SCAI: variants seen among roughly 807,000 people sequenced by gnomAD.
The protein encoded by SCAI is protein SCAI.
In SCAI, 24 loss-of-function variants were observed where a neutral mutation model predicts 92.2. The ratio of observed to expected loss-of-function variants is 0.26; its 90% CI spans 0.19 to 0.37. SCAI has a LOEUF of 0.37. SCAI is among the 10% of genes least tolerant of loss of function. The pLI is 1.00. For missense variants in SCAI, 450 were observed against 736.2 expected, an observed-to-expected ratio of 0.61 and a Z score of 4.50; for synonymous variants, 261 against 258.6, an observed-to-expected ratio of 1.01 and a Z score of -0.09.
chr9:124,968,601 A>C, intron 17 of SCAI: 4 of 954,276 alleles, frequency 4.2e-6, no homozygotes, highest in Non-Finnish European at 6.9e-6. Flanking sequence ...GTCTTCAAAA[A>C]ACTCTGCTAA....
chr9:124,995,276 TA>T (rs1167008517), intron 13 of SCAI, among the ~76,000 whole-genome samples: 33 of 152,048 alleles, frequency 2.2e-4, no homozygotes, highest in Admixed American at 2.2e-3. Context: ...TAAAGATGAC[TA>T]AACACACAGC....
chr9:125,103,555 C>T (rs1393993134), intron 2 of SCAI, among the ~76,000 whole-genome samples: 1 of 152,168 alleles, frequency 6.6e-6, no homozygotes, highest in Non-Finnish European at 1.5e-5. Context: ...ATTTAATTTG[C>T]CCCTCAACAA....
intron 2 of SCAI, among the ~76,000 whole-genome samples, chr9:125,136,451 CCTTT>C (rs1205171238): frequency 1.4e-5 from 2 of 140,856 alleles, no homozygotes; most frequent in African/African-American, 2.6e-5. Context: ...GATACTAATA[CCTTT>C]CTTTTTTTTT....
At chr9:125,038,674 A>G (rs1478778680) in intron 3 of SCAI, among the ~76,000 whole-genome samples, 1 of 152,128 alleles carries the variant, frequency 6.6e-6, no homozygotes, top group Non-Finnish European at 1.5e-5. Flanking sequence ...TTGACTTCAT[A>G]TTTATCATTT....
At chr9:125,117,881 G>A (rs117123875) in intron 2 of SCAI, among the ~76,000 whole-genome samples, 1 of 152,152 alleles carries the variant, frequency 6.6e-6, no homozygotes, top group East Asian at 1.9e-4. Context: ...GTTTTGTCTT[G>A]ACTGTGCCAC....
At chr9:125,104,080 G>A (rs1434872735) in intron 2 of SCAI, among the ~76,000 whole-genome samples, 1 of 151,968 alleles carries the variant, frequency 6.6e-6, no homozygotes, top group East Asian at 1.9e-4. Flanking sequence ...CATCCTAACA[G>A]GATTATTACC....
chr9:125,009,341 C>G (rs1832580935), intron 9 of SCAI, among the ~76,000 whole-genome samples: 1 of 152,170 alleles, frequency 6.6e-6, no homozygotes, highest in Admixed American at 6.5e-5. Flanking sequence ...GCAATCTGGG[C>G]TCACTGCAGC....
chr9:125,108,286 G>A (rs1415304600), intron 2 of SCAI, among the ~76,000 whole-genome samples: 3 of 152,200 alleles, frequency 2.0e-5, no homozygotes, highest in African/African-American at 7.2e-5. Flanking sequence ...TCTCTGCCTG[G>A]CCGCCCATCA....
intron 2 of SCAI, among the ~76,000 whole-genome samples, chr9:125,077,500 T>C (rs1588202413): frequency 6.6e-6 from 1 of 152,202 alleles, no homozygotes; most frequent in East Asian, 1.9e-4. Flanking sequence ...GACAACTCTA[T>C]ATTAACCCTG....
chr9:125,027,916 T>G (rs1423923411), intron 5 of SCAI, among the ~76,000 whole-genome samples: 1 of 152,220 alleles, frequency 6.6e-6, no homozygotes, highest in African/African-American at 2.4e-5. Context: ...GGACCCTTCT[T>G]GTTTTCTGAA....
At chr9:124,980,239 G>A (rs1831855953) in intron 14 of SCAI, among the ~76,000 whole-genome samples, 1 of 151,580 alleles carries the variant, frequency 6.6e-6, no homozygotes, top group African/African-American at 2.4e-5. Flanking sequence ...TGCTAAAATG[G>A]ACATTGCTAT....
chr9:125,042,556 T>G (rs1833336074), intron 3 of SCAI, among the ~76,000 whole-genome samples: 1 of 151,076 alleles, frequency 6.6e-6, no homozygotes, highest in Middle Eastern at 3.4e-3. Flanking sequence ...CCTTACAATC[T>G]CTTCCATTAA....
Position 125,106,702 on chromosome 9 carries a change from C to T in SCAI, c.98+35931G>A, listed in dbSNP as rs1320392370. ...TGGTTTTGCTAAATCATATGCTGAACTTGCATTATTTTTCTTTTCCTTTTT... is the reference window on the plus strand; with the variant it reads ...TGGTTTTGCTAAATCATATGCTGAATTTGCATTATTTTTCTTTTCCTTTTT... On this transcript the variant is annotated intron_variant, in intron 2 of 17. Transcript: ENST00000336505. 8.1e-5 allele frequency among the ~76,000 whole-genome samples: 12 copies of T among 147,760 alleles called. No homozygotes were observed. In the East Asian group the frequency reaches 2.4e-3, roughly 29 times the overall value.
intron 9 of SCAI, among the ~76,000 whole-genome samples, chr9:125,006,159 G>A (rs1464800570): frequency 9.2e-5 from 14 of 152,098 alleles, no homozygotes; most frequent in African/African-American, 3.1e-4. Flanking sequence ...ATCATAAAAC[G>A]CATGAAGAAA....
intron 17 of SCAI, among the ~76,000 whole-genome samples, chr9:124,963,657 G>A (rs966152549): frequency 1.4e-5 from 2 of 138,964 alleles, no homozygotes; most frequent in South Asian, 2.3e-4. Context: ...TGCTGAGGCA[G>A]AATAATCTCT....
chr9:125,104,129 AT>A (rs935393294), intron 2 of SCAI, among the ~76,000 whole-genome samples: 4 of 152,366 alleles, frequency 2.6e-5, no homozygotes, highest in South Asian at 4.1e-4. Context: ...CAATAAAAAA[AT>A]AAAGACAATA....
intron 2 of SCAI, among the ~76,000 whole-genome samples, chr9:125,118,028 G>T (rs149919591): frequency 1.7e-4 from 26 of 152,138 alleles, no homozygotes; most frequent in African/African-American, 5.5e-4. Flanking sequence ...AGCACTCTGC[G>T]AAAAAAGTTA....
At chr9:125,094,913 A>C (rs2131202665) in intron 2 of SCAI, among the ~76,000 whole-genome samples, 1 of 152,330 alleles carries the variant, frequency 6.6e-6, no homozygotes, top group South Asian at 2.1e-4. Flanking sequence ...TACACAAGAA[A>C]CTACTGATAA....
intron 2 of SCAI, among the ~76,000 whole-genome samples, chr9:125,087,690 C>T (rs1386488475): frequency 1.3e-5 from 2 of 152,108 alleles, no homozygotes. Context: ...AAAATTAGTG[C>T]TCTTTCATTA....
Sources: gnomAD v4.1 joint callset for allele counts (sites outside exome capture counted in the v4.1 genomes callset) on GRCh38, gnomAD v4.1.1 for gene constraint, MANE v1.5 for transcripts, NCBI Gene and HGNC (gene_info 2026-07-23, HGNC 2026-07-21) for gene names.